Variants in TM7SF3 observed in about 807,000 individuals in gnomAD.
TM7SF3 encodes seven span transmembrane protein.
A neutral mutation model predicts 65.5 loss-of-function variants in TM7SF3; 60 were observed. That is an observed-to-expected ratio of 0.92 (90% CI 0.74 to 1.14). TM7SF3 has a LOEUF of 1.14. Among genes scored for constraint, TM7SF3 ranks in the 50% most tolerant of loss-of-function variants. TM7SF3 has a pLI of 0.00. For synonymous variants in TM7SF3, 264 were observed against 259.6 expected (o/e 1.02, Z -0.16); for missense variants, 623 against 684.8 (o/e 0.91, Z 1.01).
rs1939561364 is a variant in TM7SF3 at position 26,976,316 on chromosome 12, T to C, written c.1231A>G (p.Thr411Ala). Residue 411 changes from threonine (T) to alanine (A), a missense_variant, in exon 10 of 12, where the codon ACT becomes GCT. Coordinates refer to ENST00000343028, the MANE Select transcript of TM7SF3 (RefSeq NM_016551.3). Reference protein sequence around the residue: ...IFHDDGVFWVTFSCIAILIPV... With the variant: ...IFHDDGVFWVAFSCIAILIPV... ...ATGAGGATAGCTATGCAAGAGAAAG[T>C]GACCCAGAATACACCATCATCATGA... The C allele has an allele frequency of 6.2e-7, 1 of 1,613,944 alleles. No individual in the cohort carries two copies. Among genetic ancestry groups the C allele is most frequent in the African/African-American group, 1.3e-5 (1 of 74,930 alleles).
In TM7SF3 at chr12:26,982,587, C is replaced by T. The variant is rs76785237; in HGVS notation, c.955+186G>A. Among the ~76,000 whole-genome samples, 224 of 152,216 alleles carry T rather than the reference C, an allele frequency of 1.5e-3. 4 individuals carry two copies. In the East Asian group the frequency reaches 0.039, roughly 26 times the overall value. ...CTGTTAATAAGAGAAGGTTATACTC[C>T]GCTGTAGGGAGAATAGAAAAAAATA... is the stretch of plus-strand genomic sequence containing the variant. On this transcript the variant is annotated intron_variant, in intron 7 of 11. Transcript: ENST00000343028.
rs747853921 is a variant in TM7SF3 at position 26,975,557 on chromosome 12, G to C, written c.1389C>G (p.Leu463=). The C allele has an allele frequency of 5.0e-6, 8 of 1,614,156 alleles. No homozygotes were observed. Among genetic ancestry groups the C allele is most frequent in the Middle Eastern group, 3.3e-4 (2 of 6,062 alleles). The change falls in exon 11 of 12, where the codon CTC becomes CTG. Residue 463 remains leucine, a synonymous_variant. Transcript: ENST00000343028. ...TSLSYITLNV[L]KRALNKDFHR... ...GGAAATCCTTGTTGAGCGCTCTCTT[G>C]AGTACGTTCAAAGTGATGTAGGAAA... is the stretch of plus-strand genomic sequence containing the variant.
chr12:27,009,342 GA>G (rs1421600248), intron 1 of TM7SF3, among the ~76,000 whole-genome samples: 1 of 152,062 alleles, frequency 6.6e-6, no homozygotes, highest in African/African-American at 2.4e-5. Context: ...ATTAATTTAG[GA>G]AGAAATGATA....
At chr12:26,980,148 C>T in intron 8 of TM7SF3, 1 of 601,876 alleles carries the variant, frequency 1.7e-6, no homozygotes, top group South Asian at 2.1e-5. Flanking sequence ...AGCTAAACCT[C>T]ACAGGGCCAG....
At chr12:27,001,750 T>A (rs1289618313) in intron 2 of TM7SF3, among the ~76,000 whole-genome samples, 2 of 152,226 alleles carry the variant, frequency 1.3e-5, no homozygotes, top group African/African-American at 4.8e-5. Flanking sequence ...CTCATCTATG[T>A]GCCATTTTAC....
At position 26,982,993 on chromosome 12, in the gene TM7SF3, A is replaced by C. The variant is rs1347202345; in HGVS notation, c.869-134T>G. The C allele has an allele frequency of 2.6e-5, 16 of 609,320 alleles. 1 individual carries two copies. Among genetic ancestry groups the C allele is most frequent in the Non-Finnish European group, 3.9e-5 (14 of 363,138 alleles). 37.7% of individuals were successfully genotyped at this position (609,320 alleles called of 1,614,324 possible). On this transcript the variant is annotated intron_variant, in intron 6 of 11. Coordinates refer to ENST00000343028, the MANE Select transcript of TM7SF3 (RefSeq NM_016551.3). ...TCCCATACATGTATATTACAAATTTATCTTTAAAATACTCTTGCCACCCCT... is the reference window on the plus strand; with the variant it reads ...TCCCATACATGTATATTACAAATTTCTCTTTAAAATACTCTTGCCACCCCT...
chr12:26,990,359 A>C lies in TM7SF3; in HGVS notation c.868+91T>G, dbSNP rs1592289058. The C allele has an allele frequency of 4.2e-6, 4 of 945,456 alleles. No individual in the cohort carries two copies. The East Asian group carries it at 9.9e-5, about 23-fold the overall frequency. 58.6% of individuals were successfully genotyped at this position (945,456 alleles called of 1,614,324 possible). A position where few individuals can be genotyped will look rare whatever the true frequency, so the allele number is the denominator to read the frequency against. On this transcript the variant is annotated intron_variant, in intron 6 of 11. Coordinates refer to ENST00000343028, the MANE Select transcript of TM7SF3 (RefSeq NM_016551.3). ...GAGAGTGGAATAACGTAGGGGCTCA[A>C]AAGGTATGTGTTGAATGAATGAGAA...
At position 27,014,260 on chromosome 12, in the gene TM7SF3, G is replaced by A. The variant is rs1272897805; in HGVS notation, c.-92C>T. ...CCGCAGCCTCGCCCACGCTATCCCG[G>A]GGCGCCCGCATCGGGCGCCATCGCC... On this transcript the variant is annotated 5_prime_UTR_variant, in exon 1 of 12. Transcript: ENST00000343028. 9 of 1,233,434 alleles carry A rather than the reference G, an allele frequency of 7.3e-6. No homozygotes were observed. The highest frequency in any genetic ancestry group is 1.6e-5 in the African/African-American group (1 of 61,416). 76.4% of individuals were successfully genotyped at this position (1,233,434 alleles called of 1,614,324 possible).
At chr12:26,999,784 A>C in intron 2 of TM7SF3, 108 bp from the exon 3 acceptor site, 1 of 1,079,468 alleles carries the variant, frequency 9.3e-7, no homozygotes. Flanking sequence ...AAACAAATAG[A>C]AAAAAAAAAC....
Position 26,999,670 on chromosome 12 carries a change from G to A in TM7SF3, c.253C>T (p.Leu85Phe), listed in dbSNP as rs1291613432. The change falls in exon 3 of 12, where the codon CTT (leucine) becomes TTT (phenylalanine). Residue 85 changes from leucine (L) to phenylalanine (F), a missense_variant. Leu to Phe is a conservative substitution (Grantham distance 22). Transcript: ENST00000343028. ...GTGCCTGTTTCCGAGGAATTGGAAAGGAGAGTCTGCAGTCCAGAAGAAACA... is the reference window on the plus strand; with the variant it reads ...GTGCCTGTTTCCGAGGAATTGGAAAAGAGAGTCTGCAGTCCAGAAGAAACA... ...NTTVSFSPTL[L>F]SNSSETGTAS... The A allele has an allele frequency of 2.5e-6, 4 of 1,613,964 alleles. No homozygotes were observed. The Admixed American group carries it at 5.0e-5, about 20-fold the overall frequency.
rs747943487 is a variant in TM7SF3, at chr12:26,990,463, A to G, written c.855T>C (p.Ser285=). Residue 285 remains serine (S), a synonymous_variant, in exon 6 of 12, where the codon AGT becomes AGC. Transcript: ENST00000343028. ...CCACATACTCACCTAGGGAAGCACAACTACCCTCTCCTGCCTCAAAGCTGC... is the reference window on the plus strand; with the variant it reads ...CCACATACTCACCTAGGGAAGCACAGCTACCCTCTCCTGCCTCAAAGCTGC... ...YACSFEAGEG[S]CASLGRVSSK... is the part of the protein sequence containing the mutation. 9 of 1,613,288 alleles carry G rather than the reference A, an allele frequency of 5.6e-6. No individual in the cohort carries two copies. In the South Asian group the frequency reaches 6.6e-5, roughly 12 times the overall value.
At chr12:26,974,499 A>G (rs1336114018) in intron 11 of TM7SF3, among the ~76,000 whole-genome samples, 1 of 152,198 alleles carries the variant, frequency 6.6e-6, no homozygotes, top group Non-Finnish European at 1.5e-5. Flanking sequence ...TGGCCTTCCA[A>G]CATTATGTAA....
In TM7SF3 at chr12:26,972,969, T is replaced by G. The variant is rs545547088; in HGVS notation, c.*996A>C. Reference sequence around the variant, plus strand: ...ATAATTTAGCTATTTCAATTACCATTTTAAGCAATAAAAGGCAAAAACAAA... The same window carrying G: ...ATAATTTAGCTATTTCAATTACCATGTTAAGCAATAAAAGGCAAAAACAAA... On this transcript the variant is annotated 3_prime_UTR_variant, in exon 12 of 12. Coordinates refer to ENST00000343028, the MANE Select transcript of TM7SF3 (RefSeq NM_016551.3). 2.6e-5 allele frequency among the ~76,000 whole-genome samples: 4 copies of G among 152,248 alleles called. No individual in the cohort carries two copies. Among genetic ancestry groups the G allele is most frequent in the Non-Finnish European group, 5.9e-5 (4 of 68,014 alleles).
chr12:27,004,701 C>A (rs943305559), intron 1 of TM7SF3, among the ~76,000 whole-genome samples: 1 of 152,022 alleles, frequency 6.6e-6, no homozygotes, highest in African/African-American at 2.4e-5. Flanking sequence ...CTAGAATAAT[C>A]TTAACCTCTA....
At chr12:26,986,651 G>A (rs1940113648) in intron 6 of TM7SF3, among the ~76,000 whole-genome samples, 1 of 151,776 alleles carries the variant, frequency 6.6e-6, no homozygotes, top group Non-Finnish European at 1.5e-5. Context: ...ATAATCTCTC[G>A]CTTGAACACA....
At chr12:26,975,821 G>A (rs1488634152) in intron 10 of TM7SF3, 163 bp from the exon 11 acceptor site, 2 of 668,404 alleles carry the variant, frequency 3.0e-6, no homozygotes, top group African/African-American at 1.8e-5. Flanking sequence ...AAGATAAACT[G>A]AAAACAACCT....
chr12:26,987,007 AGC>A (rs1237862442), intron 6 of TM7SF3, among the ~76,000 whole-genome samples: 1 of 152,126 alleles, frequency 6.6e-6, no homozygotes, highest in Non-Finnish European at 1.5e-5. Flanking sequence ...CAATTTCCTA[AGC>A]TCTAAACATT....
intron 6 of TM7SF3, among the ~76,000 whole-genome samples, chr12:26,986,853 C>G (rs1033692133): frequency 6.6e-6 from 1 of 152,216 alleles, no homozygotes; most frequent in Non-Finnish European, 1.5e-5. Flanking sequence ...CATTTTCAGT[C>G]TCTTTCTTAG....
intron 1 of TM7SF3, among the ~76,000 whole-genome samples, chr12:27,003,847 G>A (rs1940930502): frequency 6.6e-6 from 1 of 152,188 alleles, no homozygotes; most frequent in Non-Finnish European, 1.5e-5. Flanking sequence ...TAATACCGGT[G>A]TTTACCAGCT....
Sources: allele counts gnomAD v4.1 joint callset (sites outside exome capture counted in the v4.1 genomes callset), GRCh38; gene constraint gnomAD v4.1.1; transcripts MANE v1.5; gene names NCBI Gene and HGNC (gene_info 2026-07-23, HGNC 2026-07-21).